PRMT7: variants seen among roughly 807,000 people sequenced by gnomAD.
PRMT7 encodes protein arginine N-methyltransferase 7.
Under a neutral mutation model 85.4 loss-of-function variants are expected in PRMT7, and 75 were observed. That is an observed-to-expected ratio of 0.88 (90% CI 0.73 to 1.06). The LOEUF (loss-of-function observed/expected upper bound fraction) is 1.06, where lower values mean the gene tolerates loss of function less well. Among genes scored for constraint, PRMT7 ranks in the 50% least tolerant of loss-of-function variants. The pLI is 0.00. For synonymous variants in PRMT7, 397 were observed against 359.5 expected, an observed-to-expected ratio of 1.10 and a Z score of -1.18; for missense variants, 868 against 915.2, an observed-to-expected ratio of 0.95 and a Z score of 0.67.
chr16:68,345,986 T>A (rs1567716814), intron 10 of PRMT7, 159 bp from the exon 11 acceptor site: 9 of 1,330,932 alleles, frequency 6.8e-6, no homozygotes, highest in Non-Finnish European at 8.2e-6. Flanking sequence ...CTGTCATGGG[T>A]TGCTGGAATC....
intron 11 of PRMT7, 97 bp downstream of exon 11, chr16:68,346,377 C>T (rs2086372977): frequency 9.0e-6 from 14 of 1,556,564 alleles, no homozygotes; most frequent in Non-Finnish European, 1.2e-5. Context: ...TGTTTCTTTC[C>T]TGTGTCCTCT....
At chr16:68,332,694 C>A (rs1023454195) in intron 6 of PRMT7, among the ~76,000 whole-genome samples, 3 of 152,194 alleles carry the variant, frequency 2.0e-5, no homozygotes, top group Non-Finnish European at 4.4e-5. Flanking sequence ...CTCTGCCTGG[C>A]AAGTTCCAGC....
chr16:68,328,738 G>T (rs1039405559), intron 5 of PRMT7, among the ~76,000 whole-genome samples: 2 of 152,070 alleles, frequency 1.3e-5, no homozygotes, highest in African/African-American at 2.4e-5. Flanking sequence ...GGAGGGCACA[G>T]CACGCCTCCC....
chr16:68,349,691 C>G (rs568591302), intron 14 of PRMT7, among the ~76,000 whole-genome samples: 6 of 152,016 alleles, frequency 3.9e-5, no homozygotes, highest in African/African-American at 1.4e-4. Flanking sequence ...CCCAGGAGTT[C>G]AAGACCAATC....
intron 3 of PRMT7, among the ~76,000 whole-genome samples, chr16:68,320,538 C>T (rs937448992): frequency 3.9e-5 from 6 of 152,214 alleles, no homozygotes; most frequent in African/African-American, 7.2e-5. Context: ...GGTTCAGGAA[C>T]GCCTTAAGCG....
chr16:68,348,245 A>T, intron 13 of PRMT7, 97 bp from the exon 14 acceptor site: 2 of 1,058,836 alleles, frequency 1.9e-6, no homozygotes, highest in Non-Finnish European at 2.8e-6. Flanking sequence ...TTTGCCGGAA[A>T]ATTCAAAGCG....
intron 2 of PRMT7, among the ~76,000 whole-genome samples, chr16:68,312,493 C>G (rs887179871): frequency 6.6e-6 from 1 of 152,140 alleles, no homozygotes; most frequent in African/African-American, 2.4e-5. Context: ...GTCTCGGCCC[C>G]TCACAGTGCT....
At chr16:68,332,472 A>G (rs1484182093) in intron 6 of PRMT7, among the ~76,000 whole-genome samples, 3 of 152,182 alleles carry the variant, frequency 2.0e-5, no homozygotes, top group African/African-American at 7.2e-5. Context: ...TGAGAGCTCT[A>G]GGTGCTCAGC....
At chr16:68,325,770 G>A (rs1458202142) in intron 5 of PRMT7, among the ~76,000 whole-genome samples, 10 of 152,074 alleles carry the variant, frequency 6.6e-5, no homozygotes, top group Admixed American at 5.9e-4. Flanking sequence ...CAGCCTGGGC[G>A]ACAGAGTGAG....
intron 9 of PRMT7, among the ~76,000 whole-genome samples, chr16:68,344,174 A>T (rs2085964740): frequency 6.6e-6 from 1 of 152,092 alleles, no homozygotes; most frequent in African/African-American, 2.4e-5. Context: ...CTGGTATGTT[A>T]CCCAGGCTGG....
chr16:68,331,449 A>G (rs1186369572), intron 6 of PRMT7, among the ~76,000 whole-genome samples: 1 of 131,294 alleles, frequency 7.6e-6, no homozygotes, highest in Non-Finnish European at 1.7e-5. Context: ...TAAACTTTTC[A>G]TTTCTCTTTC....
At chr16:68,324,372 A>G (rs1941406545) in intron 4 of PRMT7, 1 of 370,062 alleles carries the variant, frequency 2.7e-6, no homozygotes, top group African/African-American at 2.1e-5. Context: ...CCTACCTTCC[A>G]GTCGCCCTCT....
intron 14 of PRMT7, among the ~76,000 whole-genome samples, chr16:68,350,919 A>G (rs1458936622): frequency 1.3e-5 from 2 of 152,228 alleles, no homozygotes; most frequent in African/African-American, 4.8e-5. Context: ...TTCTTGCTGA[A>G]TAAGATTCCA....
chr16:68,327,047 G>T (rs1189110103), intron 5 of PRMT7, among the ~76,000 whole-genome samples: 2 of 152,192 alleles, frequency 1.3e-5, no homozygotes, highest in African/African-American at 4.8e-5. Flanking sequence ...AGATGATGAA[G>T]ATTTTTCTAG....
intron 14 of PRMT7, among the ~76,000 whole-genome samples, chr16:68,350,298 C>T (rs1047301303): frequency 6.6e-6 from 1 of 152,172 alleles, no homozygotes; most frequent in Non-Finnish European, 1.5e-5. Context: ...GTGTGGATTG[C>T]TGGGTCATGT....
chr16:68,349,285 C>T (rs991287672), intron 14 of PRMT7, among the ~76,000 whole-genome samples: 1 of 151,992 alleles, frequency 6.6e-6, no homozygotes, highest in Non-Finnish European at 1.5e-5. Flanking sequence ...CCCGCTTCCC[C>T]TACTGCATCC....
chr16:68,345,622 A>C, intron 9 of PRMT7, 53 bp from the exon 10 acceptor site: 1 of 1,607,808 alleles, frequency 6.2e-7, no homozygotes, highest in Non-Finnish European at 8.5e-7. Context: ...CCTGGATTAG[A>C]AGCATTGCTC....
chr16:68,334,715 A>G (rs1230006918), intron 6 of PRMT7, among the ~76,000 whole-genome samples: 1 of 152,068 alleles, frequency 6.6e-6, no homozygotes, highest in Non-Finnish European at 1.5e-5. Flanking sequence ...GCCCTTATAC[A>G]TTAGCAGTCA....
intron 3 of PRMT7, 99 bp from the exon 4 acceptor site, chr16:68,321,327 C>A (rs2082464833): frequency 2.3e-6 from 2 of 875,222 alleles, no homozygotes; most frequent in South Asian, 3.8e-5. Flanking sequence ...AAATAGATGA[C>A]ACGTTTGTTC....
Sources: gnomAD v4.1 joint callset for allele counts (sites outside exome capture counted in the v4.1 genomes callset) on GRCh38, gnomAD v4.1.1 for gene constraint, MANE v1.5 for transcripts, NCBI Gene and HGNC (gene_info 2026-07-23, HGNC 2026-07-21) for gene names.